Variants in PTPRM observed in about 807,000 individuals in gnomAD.
The protein encoded by PTPRM is protein tyrosine phosphatase receptor type M.
A neutral mutation model predicts 186.7 loss-of-function variants in PTPRM; 47 were observed. The ratio of observed to expected loss-of-function variants is 0.25; its 90% confidence interval spans 0.20 to 0.32. The LOEUF (loss-of-function observed/expected upper bound fraction) is 0.32. Ranked by LOEUF, PTPRM falls within the 10% of genes least tolerant of loss-of-function variation. The pLI is 1.00. For synonymous variants in PTPRM, 668 were observed against 674.9 expected, an observed-to-expected ratio of 0.99 and a Z score of 0.16; for missense variants, 1,494 against 1,865.0, an observed-to-expected ratio of 0.80 and a Z score of 3.66.
intron 2 of PTPRM, among the ~76,000 whole-genome samples, chr18:7,809,740 G>T (rs75028267): frequency 6.6e-6 from 1 of 152,038 alleles, no homozygotes; most frequent in Non-Finnish European, 1.5e-5. Context: ...AGCCCCTTTC[G>T]GTGTTACAGT....
At chr18:7,685,002 C>G (rs1248540005) in intron 1 of PTPRM, among the ~76,000 whole-genome samples, 1 of 152,214 alleles carries the variant, frequency 6.6e-6, no homozygotes, top group Non-Finnish European at 1.5e-5. Context: ...CTCTCCCACT[C>G]TTAAGGCCAA....
chr18:7,715,383 A>C (rs527544590), intron 1 of PTPRM, among the ~76,000 whole-genome samples: 1 of 152,336 alleles, frequency 6.6e-6, no homozygotes, highest in East Asian at 1.9e-4. Context: ...ATTTATAACA[A>C]ACCCACAGCC....
chr18:7,992,183 T>C (rs2083302698), intron 7 of PTPRM, among the ~76,000 whole-genome samples: 1 of 152,130 alleles, frequency 6.6e-6, no homozygotes, highest in African/African-American at 2.4e-5. Context: ...CACTAAAAAC[T>C]GTTTTATCTT....
chr18:8,320,063 G>C (rs2095336175), intron 22 of PTPRM, among the ~76,000 whole-genome samples: 1 of 152,162 alleles, frequency 6.6e-6, no homozygotes, highest in South Asian at 2.1e-4. Flanking sequence ...GAAGGAGTAA[G>C]AAGCAGAGAA....
At chr18:8,328,485 A>T (rs1345604318) in intron 22 of PTPRM, among the ~76,000 whole-genome samples, 1 of 152,240 alleles carries the variant, frequency 6.6e-6, no homozygotes, top group Non-Finnish European at 1.5e-5. Context: ...TGTGTTAGCT[A>T]GCACTGTGCT....
chr18:7,580,657 T>C (rs1348249398), intron 1 of PTPRM, among the ~76,000 whole-genome samples: 1 of 152,194 alleles, frequency 6.6e-6, no homozygotes, highest in East Asian at 1.9e-4. Flanking sequence ...CTCAAACTTA[T>C]TGCCCCCCAT....
intron 7 of PTPRM, among the ~76,000 whole-genome samples, chr18:8,057,018 A>G (rs1038041081): frequency 6.6e-6 from 1 of 151,778 alleles, no homozygotes; most frequent in South Asian, 2.1e-4. Context: ...GTAATTCTAG[A>G]CACCAGTTAA....
chr18:8,002,095 C>T (rs1027968009), intron 7 of PTPRM, among the ~76,000 whole-genome samples: 3 of 152,152 alleles, frequency 2.0e-5, no homozygotes, highest in Non-Finnish European at 4.4e-5. Context: ...TGCCGGTAAT[C>T]CATCCACTGA....
chr18:8,357,784 C>A (rs2148366614), intron 23 of PTPRM, among the ~76,000 whole-genome samples: 1 of 152,130 alleles, frequency 6.6e-6, no homozygotes, highest in East Asian at 1.9e-4. Context: ...AAAGGAGATG[C>A]AAAAACATAT....
At chr18:7,946,044 T>C (rs1267979652) in intron 5 of PTPRM, among the ~76,000 whole-genome samples, 1 of 152,228 alleles carries the variant, frequency 6.6e-6, no homozygotes, top group Admixed American at 6.5e-5. Context: ...AGCATTCATA[T>C]GACTCACTAG....
At chr18:7,693,333 A>G (rs746185316) in intron 1 of PTPRM, among the ~76,000 whole-genome samples, 2 of 152,198 alleles carry the variant, frequency 1.3e-5, no homozygotes, top group Non-Finnish European at 2.9e-5. Context: ...CATAGGGCTC[A>G]TTTGATGTAA....
chr18:7,923,880 T>C (rs1188511415), intron 4 of PTPRM, among the ~76,000 whole-genome samples: 1 of 152,272 alleles, frequency 6.6e-6, no homozygotes, highest in African/African-American at 2.4e-5. Context: ...TCTGGGGATC[T>C]GAATGGGTCC....
At chr18:8,184,440 C>T (rs907232084) in intron 14 of PTPRM, among the ~76,000 whole-genome samples, 1 of 152,118 alleles carries the variant, frequency 6.6e-6, no homozygotes, top group Non-Finnish European at 1.5e-5. Context: ...ATACCCTGTC[C>T]TCTGTGCCTT....
intron 1 of PTPRM, among the ~76,000 whole-genome samples, chr18:7,768,669 G>A (rs192352770): frequency 7.6e-5 from 11 of 144,930 alleles, no homozygotes; most frequent in Admixed American, 2.1e-4. Context: ...TTTTTGAGTT[G>A]GAGTTTCACT....
Position 7,955,191 on chromosome 18 carries a change from C to T in PTPRM, c.909C>T (p.Asn303=), listed in dbSNP as rs373429144. 7.4e-5 allele frequency: 120 copies of T among 1,614,088 alleles called. No homozygotes were observed. Among genetic ancestry groups the T allele is most frequent in the African/African-American group, 1.3e-4 (10 of 74,920 alleles). The change falls in exon 7 of 33, where the codon AAC becomes AAT. Residue 303 remains asparagine, a synonymous_variant. Coordinates refer to ENST00000580170, the MANE Select transcript of PTPRM (RefSeq NM_001105244.2). ...VGATYLWIQL[N]ANSINGDGPI... is the part of the protein sequence containing the mutation. ...CCACCTACCTGTGGATACAGCTCAA[C>T]GCCAACTCCATCAATGGGGATGGGC...
In PTPRM at chr18:8,296,402, C is replaced by T. The variant is rs144207270; in HGVS notation, c.2789C>T (p.Ser930Leu). The T allele has an allele frequency of 1.7e-5, 27 of 1,611,304 alleles. No individual in the cohort carries two copies. The Admixed American group carries it at 3.0e-4, about 18-fold the overall frequency. The change falls in exon 20 of 33, where the codon TCG (serine) becomes TTG (leucine). Residue 930 changes from serine to leucine, a missense_variant. Coordinates refer to ENST00000580170, the MANE Select transcript of PTPRM (RefSeq NM_001105244.2). ...FFEGQSAPWD[S>L]AKKDENRMKN... ...GAAGGGCAGTCTGCACCATGGGACT[C>T]GGCTAAGAAAGATGAGAACAGAATG... is the stretch of plus-strand genomic sequence containing the variant.
chr18:8,350,060 C>T (rs2095526307), intron 23 of PTPRM, among the ~76,000 whole-genome samples: 1 of 152,212 alleles, frequency 6.6e-6, no homozygotes, highest in South Asian at 2.1e-4. Flanking sequence ...CTCTAAGTTC[C>T]TATGGCCAAA....
At chr18:7,843,967 T>A (rs2046470867) in intron 2 of PTPRM, among the ~76,000 whole-genome samples, 1 of 152,198 alleles carries the variant, frequency 6.6e-6, no homozygotes, top group Admixed American at 6.5e-5. Context: ...ATATGGCCTC[T>A]TCATGTGGTC....
intron 7 of PTPRM, among the ~76,000 whole-genome samples, chr18:7,985,966 G>A (rs184203462): frequency 3.9e-5 from 6 of 152,032 alleles, no homozygotes; most frequent in African/African-American, 9.6e-5. Context: ...TTTCAGAGTC[G>A]GGATACATTT....
Sources: allele counts gnomAD v4.1 joint callset (sites outside exome capture counted in the v4.1 genomes callset), GRCh38; gene constraint gnomAD v4.1.1; transcripts MANE v1.5; gene names NCBI Gene and HGNC (gene_info 2026-07-23, HGNC 2026-07-21).